Variants in ANAPC10 observed in about 807,000 individuals in gnomAD.
ANAPC10 encodes the protein anaphase-promoting complex subunit 10.
A neutral mutation model predicts 22.0 loss-of-function variants in ANAPC10; 12 were observed. The ratio of observed to expected loss-of-function variants is 0.55; its 90% CI spans 0.35 to 0.88. The LOEUF is 0.88. Among genes scored for constraint, ANAPC10 ranks in the 40% least tolerant of loss-of-function variants. The probability of loss-of-function intolerance (pLI) is 0.01; values close to 1 mark genes in which losing one functional copy is unlikely to be tolerated. For synonymous variants in ANAPC10, 65 were observed against 69.5 expected (o/e 0.94, Z 0.32); for missense variants, 188 against 220.9 (o/e 0.85, Z 0.94).
intron 4 of ANAPC10, among the ~76,000 whole-genome samples, chr4:145,019,095 T>C (rs950230054): frequency 2.0e-5 from 3 of 152,110 alleles, no homozygotes; most frequent in Non-Finnish European, 4.4e-5. Flanking sequence ...TTGGAACAAA[T>C]GGACTTAACA....
intron 4 of ANAPC10, among the ~76,000 whole-genome samples, chr4:144,999,824 T>G (rs1294302645): frequency 2.0e-4 from 30 of 151,966 alleles, no homozygotes. Context: ...TACAGTAACC[T>G]AAACAGCATG....
chr4:145,070,246 G>A (rs187779139), intron 3 of ANAPC10, among the ~76,000 whole-genome samples: 88 of 152,264 alleles, frequency 5.8e-4, no homozygotes, highest in Non-Finnish European at 9.3e-4. Context: ...TATACACATT[G>A]TCTATGGGAG....
intron 4 of ANAPC10, among the ~76,000 whole-genome samples, chr4:145,010,776 A>G (rs1734176868): frequency 6.6e-6 from 1 of 152,140 alleles, no homozygotes; most frequent in African/African-American, 2.4e-5. Context: ...ATACATATGT[A>G]ACAAACCTGC....
intron 4 of ANAPC10, among the ~76,000 whole-genome samples, chr4:145,055,162 C>A (rs76502718): frequency 2.6e-5 from 4 of 152,280 alleles, no homozygotes; most frequent in African/African-American, 9.6e-5. Flanking sequence ...CTACTATTCA[C>A]ATTAGGCAAG....
chr4:145,090,991 G>A (rs896179543), intron 2 of ANAPC10, among the ~76,000 whole-genome samples: 3 of 152,144 alleles, frequency 2.0e-5, no homozygotes, highest in African/African-American at 7.2e-5. Flanking sequence ...ACTTTCTCAT[G>A]CAGTTTCCTG....
intron 4 of ANAPC10, among the ~76,000 whole-genome samples, chr4:145,027,301 GC>G (rs1359211886): frequency 2.0e-5 from 3 of 151,580 alleles, no homozygotes; most frequent in Admixed American, 2.0e-4. Context: ...ACCACACCTG[GC>G]CAAAAACTTC....
intron 3 of ANAPC10, among the ~76,000 whole-genome samples, chr4:145,068,970 T>A (rs1744096549): frequency 6.6e-6 from 1 of 152,206 alleles, no homozygotes; most frequent in African/African-American, 2.4e-5. Flanking sequence ...ATGAAAGTTT[T>A]CGCGGAAGAC....
At chr4:145,097,993 G>A (rs1053664124) in intron 1 of ANAPC10, 127 bp downstream of exon 1, 10 of 173,108 alleles carry the variant, frequency 5.8e-5, no homozygotes, top group Non-Finnish European at 1.2e-4. Flanking sequence ...GAATGACTAA[G>A]GCTCCACTCC....
chr4:145,024,968 T>C (rs1736448602), intron 4 of ANAPC10, among the ~76,000 whole-genome samples: 1 of 152,232 alleles, frequency 6.6e-6, no homozygotes, highest in South Asian at 2.1e-4. Flanking sequence ...CTGGGTAACT[T>C]GCTACAGCTC....
At chr4:145,070,265 C>G (rs1744301693) in intron 3 of ANAPC10, among the ~76,000 whole-genome samples, 1 of 152,116 alleles carries the variant, frequency 6.6e-6, no homozygotes, top group Admixed American at 6.5e-5. Flanking sequence ...AGCTTTAATA[C>G]TACAATGGCA....
intron 4 of ANAPC10, among the ~76,000 whole-genome samples, chr4:145,007,229 T>G (rs1578880817): frequency 6.6e-6 from 1 of 152,074 alleles, no homozygotes; most frequent in African/African-American, 2.4e-5. Flanking sequence ...TAGACACATC[T>G]ACGAGACAGA....
chr4:145,022,183 T>G (rs1244195590), intron 4 of ANAPC10, among the ~76,000 whole-genome samples: 1 of 152,012 alleles, frequency 6.6e-6, no homozygotes, highest in Non-Finnish European at 1.5e-5. Context: ...ATGAAGTCAT[T>G]ATATGAAAAA....
intron 4 of ANAPC10, among the ~76,000 whole-genome samples, chr4:145,009,672 C>A (rs1237982400): frequency 6.6e-6 from 1 of 152,072 alleles, no homozygotes; most frequent in African/African-American, 2.4e-5. Context: ...AAAATTAATT[C>A]AAGATGGATT....
At chr4:145,085,999 A>C (rs1237989325) in intron 2 of ANAPC10, among the ~76,000 whole-genome samples, 1 of 152,004 alleles carries the variant, frequency 6.6e-6, no homozygotes, top group Non-Finnish European at 1.5e-5. Context: ...AGGTGGCTGA[A>C]GCTCACCTTT....
At chr4:145,010,866 G>A (rs1361230649) in intron 4 of ANAPC10, among the ~76,000 whole-genome samples, 1 of 151,766 alleles carries the variant, frequency 6.6e-6, no homozygotes, top group East Asian at 1.9e-4. Flanking sequence ...ACCAATAAAA[G>A]GAGAGGTATA....
chr4:145,035,750 C>T (rs1161388855), intron 4 of ANAPC10, among the ~76,000 whole-genome samples: 1 of 152,214 alleles, frequency 6.6e-6, no homozygotes, highest in Non-Finnish European at 1.5e-5. Flanking sequence ...GCCCTATGGA[C>T]TTCACGCTCA....
At chr4:145,006,882 T>C (rs934068565) in intron 4 of ANAPC10, among the ~76,000 whole-genome samples, 1 of 152,112 alleles carries the variant, frequency 6.6e-6, no homozygotes, top group Non-Finnish European at 1.5e-5. Flanking sequence ...GAGACTCCTC[T>C]GTATGTTCCT....
intron 2 of ANAPC10, among the ~76,000 whole-genome samples, chr4:145,084,807 T>C (rs1158419719): frequency 1.3e-5 from 2 of 152,188 alleles, no homozygotes; most frequent in Admixed American, 1.3e-4. Flanking sequence ...ACACACTGGT[T>C]TGAAGATTAG....
At chr4:145,050,006 C>A (rs1172513430) in intron 4 of ANAPC10, among the ~76,000 whole-genome samples, 1 of 152,180 alleles carries the variant, frequency 6.6e-6, no homozygotes, top group Non-Finnish European at 1.5e-5. Flanking sequence ...CATATTTTGA[C>A]CTTTTCATGT....
Sources: allele counts gnomAD v4.1 joint callset (sites outside exome capture counted in the v4.1 genomes callset), GRCh38; gene constraint gnomAD v4.1.1; transcripts MANE v1.5; gene names NCBI Gene and HGNC (gene_info 2026-07-23, HGNC 2026-07-21).